Variants in KCNJ6 observed in about 807,000 individuals in gnomAD.
KCNJ6 encodes potassium inwardly rectifying channel subfamily J member 6.
In KCNJ6, 9 loss-of-function variants were observed where a neutral mutation model predicts 34.2. The observed-to-expected ratio is 0.26, with a 90% CI of 0.16 to 0.46. The LOEUF is 0.46. Among genes scored for constraint, KCNJ6 ranks in the 20% least tolerant of loss-of-function variants. The pLI, the probability that KCNJ6 is intolerant of heterozygous loss-of-function variation, is 1.00. For missense variants in KCNJ6, 236 were observed against 531.3 expected (o/e 0.44, Z 5.46); for synonymous variants, 196 against 207.1 (o/e 0.95, Z 0.46).
chr21:37,784,752 T>A (rs1004014109), intron 2 of KCNJ6, among the ~76,000 whole-genome samples: 4 of 152,118 alleles, frequency 2.6e-5, no homozygotes, highest in African/African-American at 9.7e-5. Flanking sequence ...CTGGGATGTG[T>A]GAATTGCTGG....
intron 2 of KCNJ6, among the ~76,000 whole-genome samples, chr21:37,748,950 A>T (rs2835929): frequency 6.6e-6 from 1 of 152,184 alleles, no homozygotes; most frequent in Non-Finnish European, 1.5e-5. Flanking sequence ...TAATAGGTAT[A>T]GAGCTATCAA....
chr21:37,645,156 T>C lies in KCNJ6; in HGVS notation c.947-19672A>G, dbSNP rs183252237. Among the ~76,000 whole-genome samples the C allele has an allele frequency of 3.0e-3, 456 of 151,944 alleles. 3 individuals are homozygous for C. Among genetic ancestry groups the C allele is most frequent in the African/African-American group, 9.7e-3 (401 of 41,450 alleles). ...TTGGGAGGCTGAGGCAGGAGGATCA[T>C]TTGAGGCCAGAGTTAGAGACCAGCC... is the stretch of plus-strand genomic sequence containing the variant. On this transcript the variant is annotated intron_variant, in intron 3 of 3. Transcript: ENST00000609713.
chr21:37,909,572 G>A (rs896838901), intron 1 of KCNJ6, among the ~76,000 whole-genome samples: 1 of 152,052 alleles, frequency 6.6e-6, no homozygotes, highest in South Asian at 2.1e-4. Flanking sequence ...TGCCACTTTG[G>A]CCAGGCTGGT....
At chr21:37,913,938 A>G (rs141211445) in intron 1 of KCNJ6, among the ~76,000 whole-genome samples, 1 of 151,622 alleles carries the variant, frequency 6.6e-6, no homozygotes, top group Admixed American at 6.6e-5. Context: ...GTGAGAGGGC[A>G]AGGGATGCAT....
At chr21:37,832,131 A>C (rs2055429103) in intron 2 of KCNJ6, among the ~76,000 whole-genome samples, 1 of 150,520 alleles carries the variant, frequency 6.6e-6, no homozygotes, top group South Asian at 2.1e-4. Flanking sequence ...CATGTCTTAA[A>C]ATATGTAATG....
chr21:37,856,049 C>T (rs1277102565), intron 1 of KCNJ6, among the ~76,000 whole-genome samples: 1 of 152,146 alleles, frequency 6.6e-6, no homozygotes, highest in Non-Finnish European at 1.5e-5. Context: ...TTTATCCTCC[C>T]TGGGACTGGG....
intron 1 of KCNJ6, among the ~76,000 whole-genome samples, chr21:37,886,032 C>T (rs1183529116): frequency 6.6e-6 from 1 of 152,130 alleles, no homozygotes; most frequent in Non-Finnish European, 1.5e-5. Flanking sequence ...GATAAAATGA[C>T]ACGATTTGCT....
chr21:37,793,547 A>G (rs957279068), intron 2 of KCNJ6, among the ~76,000 whole-genome samples: 78 of 135,916 alleles, frequency 5.7e-4, no homozygotes, highest in Non-Finnish European at 9.6e-4. Context: ...CTCCATCTCA[A>G]AAAAAAAAAA....
chr21:37,732,465 G>C (rs912868855), intron 2 of KCNJ6, among the ~76,000 whole-genome samples: 2 of 152,230 alleles, frequency 1.3e-5, no homozygotes, highest in Non-Finnish European at 2.9e-5. Flanking sequence ...TTAGATTCCA[G>C]AATTGTGGAA....
At chr21:37,847,409 AG>A (rs5843871) in intron 1 of KCNJ6, among the ~76,000 whole-genome samples, 152,324 of 152,326 alleles carry the variant, frequency 1, 76,161 homozygotes, top group Non-Finnish European at 1. Flanking sequence ...GCACTCTCTC[AG>A]CCACGGTGCC....
At chr21:37,712,930 A>T (rs954994915) in intron 3 of KCNJ6, among the ~76,000 whole-genome samples, 3 of 151,956 alleles carry the variant, frequency 2.0e-5, no homozygotes, top group Non-Finnish European at 4.4e-5. Context: ...TATTCTTTAA[A>T]GCTACTTTCC....
At chr21:37,846,353 CTGTG>C (rs55697215) in intron 1 of KCNJ6, among the ~76,000 whole-genome samples, 9,399 of 144,672 alleles carry the variant, frequency 0.065, 305 homozygotes, top group Admixed American at 0.11. Context: ...CTGAGACACT[CTGTG>C]TGTGTGTGTG....
At chr21:37,771,393 A>G (rs2055117143) in intron 2 of KCNJ6, among the ~76,000 whole-genome samples, 1 of 152,178 alleles carries the variant, frequency 6.6e-6, no homozygotes, top group South Asian at 2.1e-4. Context: ...CTTGTGCCCA[A>G]GAGTTTTGGT....
intron 2 of KCNJ6, among the ~76,000 whole-genome samples, chr21:37,808,233 A>G (rs1034551928): frequency 6.6e-6 from 1 of 152,246 alleles, no homozygotes; most frequent in African/African-American, 2.4e-5. Context: ...GCATACGAGC[A>G]AGGTGTTAAA....
At chr21:37,649,656 C>G (rs1239010081) in intron 3 of KCNJ6, among the ~76,000 whole-genome samples, 1 of 152,222 alleles carries the variant, frequency 6.6e-6, no homozygotes, top group African/African-American at 2.4e-5. Context: ...ATGAACCAGC[C>G]TGGGTTCTGA....
intron 2 of KCNJ6, among the ~76,000 whole-genome samples, chr21:37,717,433 G>A (rs894451838): frequency 2.0e-5 from 3 of 151,062 alleles, no homozygotes; most frequent in Non-Finnish European, 2.9e-5. Flanking sequence ...TGGGGTGGGT[G>A]TATGGATGGA....
At chr21:37,701,941 G>A (rs192071617) in intron 3 of KCNJ6, among the ~76,000 whole-genome samples, 6 of 152,270 alleles carry the variant, frequency 3.9e-5, no homozygotes, top group Admixed American at 2.6e-4. Context: ...GTCTTACTAA[G>A]AGTGCTCTGG....
At position 37,675,784 on chromosome 21, in the gene KCNJ6, C is replaced by T. The variant is rs2054562108; in HGVS notation, c.946+38427G>A. 6.6e-6 allele frequency among the ~76,000 whole-genome samples: 1 copy of T among 151,972 alleles called. No individual in the cohort carries two copies. The highest frequency in any genetic ancestry group is 2.4e-5 in the African/African-American group (1 of 41,428). On this transcript the variant is annotated intron_variant, in intron 3 of 3. Coordinates refer to ENST00000609713, the MANE Select transcript of KCNJ6 (RefSeq NM_002240.5). The surrounding 1 kb of genome is among the most constrained non-coding windows in gnomAD (Gnocchi z 4.2). ...AGGTCCACCCCTAAACAGTCCATCACTGTTACATTGACTCCCAAATTCCTA... is the reference window on the plus strand; with the variant it reads ...AGGTCCACCCCTAAACAGTCCATCATTGTTACATTGACTCCCAAATTCCTA...
At chr21:37,790,831 C>T (rs2055213249) in intron 2 of KCNJ6, among the ~76,000 whole-genome samples, 1 of 152,216 alleles carries the variant, frequency 6.6e-6, no homozygotes. Context: ...AATCACATCA[C>T]AATCACATGC....
Sources: allele counts gnomAD v4.1 joint callset (sites outside exome capture counted in the v4.1 genomes callset), GRCh38; gene constraint gnomAD v4.1.1; non-coding constraint Gnocchi (gnomAD v3.1); transcripts MANE v1.5; gene names NCBI Gene and HGNC (gene_info 2026-07-23, HGNC 2026-07-21).